The following HSPG2 variants were observed in gnomAD, a reference collection of about 807,000 sequenced individuals.
HSPG2 encodes the protein basement membrane-specific heparan sulfate proteoglycan core protein.
Under a neutral mutation model 526.6 loss-of-function variants are expected in HSPG2, and 278 were observed. That is an observed-to-expected ratio of 0.53 (90% CI 0.48 to 0.58). HSPG2 has a LOEUF of 0.58. Among genes scored for constraint, HSPG2 ranks in the 20% least tolerant of loss-of-function variants. HSPG2 has a pLI of 0.00. For synonymous variants in HSPG2, 2,465 were observed against 2,555.4 expected (o/e 0.96, Z 1.07); for missense variants, 5,354 against 6,099.5 (o/e 0.88, Z 4.07).
rs773563575 is a variant in HSPG2, at chr1:21,865,832, G to A, written c.4222-23C>T. 6.3e-6 allele frequency: 10 copies of A among 1,585,908 alleles called. No homozygotes were observed. Among genetic ancestry groups the A allele is most frequent in the South Asian group, 1.1e-5 (1 of 90,578 alleles). On this transcript the variant is annotated intron_variant, in intron 33 of 96. Coordinates refer to ENST00000374695, the MANE Select transcript of HSPG2 (RefSeq NM_005529.7). The surrounding 1 kb of genome is among the most constrained non-coding windows in gnomAD (Gnocchi z 5.4). The stretch of plus-strand genomic sequence containing the variant: ...CACCTGCAAAGAGGCAAGCCCAGAG[G>A]TCACAGGCTGACCTTGGGGTGTGAG...
intron 62 of HSPG2, 54 bp from the exon 63 acceptor site, chr1:21,846,653 G>T (rs1638462129): frequency 6.3e-6 from 10 of 1,599,210 alleles, no homozygotes; most frequent in Non-Finnish European, 8.6e-6. Context: ...TTTGGGAACA[G>T]GGTTGGTGGG....
At chr1:21,931,922 G>A (rs898219825) in intron 1 of HSPG2, among the ~76,000 whole-genome samples, 54 of 152,174 alleles carry the variant, frequency 3.5e-4, no homozygotes, top group Admixed American at 5.2e-4. Context: ...GGCAGGGGCA[G>A]GGGCCCCTGA....
At chr1:21,825,837 G>A (rs2097971664) in intron 91 of HSPG2, among the ~76,000 whole-genome samples, 1 of 152,142 alleles carries the variant, frequency 6.6e-6, no homozygotes, top group Non-Finnish European at 1.5e-5. Context: ...CCAGGCTGGA[G>A]TGCAGTGGCA....
chr1:21,849,935 C>T (rs1429661629), intron 57 of HSPG2, 106 bp downstream of exon 57: 5 of 1,427,896 alleles, frequency 3.5e-6, no homozygotes, highest in Non-Finnish European at 4.9e-6. Flanking sequence ...GCCTTGGCCT[C>T]CCAAAGTGCC....
Position 21,844,230 on chromosome 1 carries a change from T to A in HSPG2, c.8534A>T (p.Asp2845Val). 1.2e-6 allele frequency: 2 copies of A among 1,613,772 alleles called. No individual in the cohort carries two copies. Among genetic ancestry groups the A allele is most frequent in the African/African-American group, 1.3e-5 (1 of 75,066 alleles). Residue 2845 changes from aspartate to valine, a missense_variant, in exon 65 of 97, where the codon GAT becomes GTT. By Grantham distance (152) the Asp-to-Val change is radical (BLOSUM62 -3). Transcript: ENST00000374695. ...SSRVAEGQTL[D>V]LKCVVPGQAH... The stretch of plus-strand genomic sequence containing the variant: ...CTGCCCGGGCACCACGCACTTCAGA[T>A]CCAGGGTCTGCCCTTCTGCCACTCG...
rs1052020376 is a variant in HSPG2 at position 21,878,205 on chromosome 1, C to T, written c.2666G>A (p.Gly889Glu). The T allele has an allele frequency of 1.9e-6, 3 of 1,613,556 alleles. No homozygotes were observed. Among genetic ancestry groups the T allele is most frequent in the African/African-American group, 2.7e-5 (2 of 74,938 alleles). The change falls in exon 21 of 97, where the codon GGG (glycine) becomes GAG (glutamate). Residue 889 changes from glycine to glutamate, a missense_variant. Coordinates refer to ENST00000374695, the MANE Select transcript of HSPG2 (RefSeq NM_005529.7). ...CDERGSMGTS[G>E]EACRCKNNVV... ...GCGTACCTTACAGCGGCAGGCCTCC[C>T]CGGAGGTCCCCATGCTGCCACGCTC... is the stretch of plus-strand genomic sequence containing the variant.
At chr1:21,850,593 C>T in intron 55 of HSPG2, 95 bp from the exon 56 acceptor site, 2 of 1,380,194 alleles carry the variant, frequency 1.4e-6, no homozygotes. Context: ...AAGGCCTGGC[C>T]ATCAGCTCTG....
rs1642653414 is a variant in HSPG2 at position 21,895,070 on chromosome 1, A to G, written c.244+852T>C. On this transcript the variant is annotated intron_variant, in intron 3 of 96. Coordinates refer to ENST00000374695, the MANE Select transcript of HSPG2 (RefSeq NM_005529.7). This position sits in a 1 kb window ranked among gnomAD's most constrained non-coding sequence, Gnocchi z 4.1. Reference sequence around the variant, plus strand: ...TAAAGGGAGGTGACTCCACCCCTGAAGTAGGCCCAGGCCAGATTTGGCCAA... The same window carrying G: ...TAAAGGGAGGTGACTCCACCCCTGAGGTAGGCCCAGGCCAGATTTGGCCAA... Among the ~76,000 whole-genome samples, 1 of 152,234 alleles carries G rather than the reference A, an allele frequency of 6.6e-6. No homozygotes were observed.
chr1:21,875,614 C>A lies in HSPG2; in HGVS notation c.3302+15G>T, dbSNP rs376065244. On this transcript the variant is annotated intron_variant, in intron 25 of 96. Transcript: ENST00000374695. The stretch of plus-strand genomic sequence containing the variant: ...CCCAAGCCCATGCTGGTCCTCCTGC[C>A]CCGGCTCCAGACACCTGCTCTCAGC... The A allele has an allele frequency of 1.3e-6, 2 of 1,594,668 alleles. No individual in the cohort carries two copies. The highest frequency in any genetic ancestry group is 1.7e-6 in the Non-Finnish European group (2 of 1,174,664).
At position 21,898,398 on chromosome 1, in the gene HSPG2, T is replaced by C. The variant is rs1040575888; in HGVS notation, c.64-2088A>G. On this transcript the variant is annotated intron_variant, in intron 1 of 96. Transcript: ENST00000374695. This position sits in a 1 kb window ranked among gnomAD's most constrained non-coding sequence, Gnocchi z 4.0. ...CCTGCCCTCTCCCTGTCCTCCTGAG[T>C]GCTGGCCTGTGGACTTCTAGGCTGT... 2.6e-5 allele frequency among the ~76,000 whole-genome samples: 4 copies of C among 152,232 alleles called. No homozygotes were observed. The highest frequency in any genetic ancestry group is 6.5e-5 in the Admixed American group (1 of 15,284).
chr1:21,844,282 G>GGCTCCACCTGGGGC lies in HSPG2; in HGVS notation c.8481_8482insGCCCCAGGTGGAGC (p.Pro2828AlafsTer24). 1 of 1,613,184 alleles carries GGCTCCACCTGGGGC rather than the reference G, an allele frequency of 6.2e-7. No individual in the cohort carries two copies. Among genetic ancestry groups the GGCTCCACCTGGGGC allele is most frequent in the Non-Finnish European group, 8.5e-7 (1 of 1,179,726 alleles). ...GAGGAGGAGGGCTCGATGCGGATGG[G>GGCTCCACCTGGGGC]TGGGGCTCCACCTGGGGCTGGGGCA... On this transcript the variant is annotated frameshift_variant, in exon 65 of 97. Coordinates refer to ENST00000374695, the MANE Select transcript of HSPG2 (RefSeq NM_005529.7). LOFTEE classifies it high-confidence loss of function.
At chr1:21,860,901 A>G (rs1639737330) in intron 39 of HSPG2, among the ~76,000 whole-genome samples, 1 of 152,226 alleles carries the variant, frequency 6.6e-6, no homozygotes, top group Non-Finnish European at 1.5e-5. Context: ...GGAACCCAAC[A>G]TGGAAATTCT....
chr1:21,875,336 AG>A lies in HSPG2; in HGVS notation c.3302+292del. On this transcript the variant is annotated intron_variant, in intron 25 of 96. Coordinates refer to ENST00000374695, the MANE Select transcript of HSPG2 (RefSeq NM_005529.7). ...ACTCTCCAGAGCTCCCTGTGGGCTG[AG>A]GCTGGGGCTAGACTTGACCTGAAAC... 10 of 595,920 alleles carry A rather than the reference AG, an allele frequency of 1.7e-5. No homozygotes were observed. In the South Asian group the frequency reaches 2.0e-4, roughly 12 times the overall value. 36.9% of individuals were successfully genotyped at this position (595,920 alleles called of 1,614,324 possible). A position where few individuals can be genotyped will look rare whatever the true frequency, so the allele number is the denominator to read the frequency against.
intron 79 of HSPG2, 30 bp from the exon 80 acceptor site, chr1:21,833,414 T>C: frequency 6.2e-7 from 1 of 1,614,176 alleles, no homozygotes; most frequent in Non-Finnish European, 8.5e-7. Context: ...CTGAAGACCC[T>C]GCCAGTCAGG....
intron 28 of HSPG2, 43 bp from the exon 29 acceptor site, chr1:21,874,054 C>T: frequency 6.6e-7 from 1 of 1,505,320 alleles, no homozygotes; most frequent in Non-Finnish European, 9.1e-7. Context: ...GCAGTGGCTC[C>T]TTCCTCTCCC....
Position 21,846,581 on chromosome 1 carries a change from G to A in HSPG2, c.8183C>T (p.Pro2728Leu). The change falls in exon 63 of 97, where the codon CCC becomes CTC. Residue 2728 changes from proline (P) to leucine (L), a missense_variant. By Grantham distance (98) the Pro-to-Leu change is moderately conservative. Transcript: ENST00000374695. The part of the protein sequence containing the change: ...GSPSAPGSSM[P>L]IRIESSSSHV... ...TGAGGAGGATGACTCAATTCTGATG[G>A]GCATGGAGCTGCCAGGGGCTGGGGG... 6.2e-7 allele frequency: 1 copy of A among 1,613,680 alleles called. No homozygotes were observed. The highest frequency in any genetic ancestry group is 1.3e-5 in the African/African-American group (1 of 75,056).
At chr1:21,907,583 A>T (rs1572424562) in intron 1 of HSPG2, among the ~76,000 whole-genome samples, 2 of 152,260 alleles carry the variant, frequency 1.3e-5, no homozygotes, top group Middle Eastern at 6.8e-3. Context: ...CCCAGGCTGG[A>T]GGGCAGTGGG....
At chr1:21,851,509 T>C (rs1298555090) in intron 55 of HSPG2, 37 bp downstream of exon 55, 1 of 1,612,696 alleles carries the variant, frequency 6.2e-7, no homozygotes, top group East Asian at 2.2e-5. Context: ...AGGGACCCGC[T>C]TCCTCTTCTT....
intron 86 of HSPG2, 42 bp from the exon 87 acceptor site, chr1:21,829,646 A>C (rs1572148494): frequency 6.5e-7 from 1 of 1,537,228 alleles, no homozygotes; most frequent in African/African-American, 1.4e-5. Context: ...GGGATCCTGG[A>C]CCCTCGGGTG....
Sources: gnomAD v4.1 joint callset for allele counts (sites outside exome capture counted in the v4.1 genomes callset) on GRCh38, gnomAD v4.1.1 for gene constraint, Gnocchi (gnomAD v3.1) non-coding constraint, MANE v1.5 for transcripts, NCBI Gene and HGNC (gene_info 2026-07-23, HGNC 2026-07-21) for gene names.